The following LDAH variants were observed in gnomAD, a reference collection of about 807,000 sequenced individuals.
LDAH encodes the protein lipid droplet-associated hydrolase.
A neutral mutation model predicts 29.6 loss-of-function variants in LDAH; 26 were observed. The ratio of observed to expected loss-of-function variants is 0.88; its 90% CI spans 0.64 to 1.22. The LOEUF (loss-of-function observed/expected upper bound fraction) is 1.22, where lower values mean the gene tolerates loss of function less well. LDAH is among the 50% of genes most tolerant of loss of function. The pLI is 0.00. For synonymous variants in LDAH, 117 were observed against 133.0 expected (o/e 0.88, Z 0.83); for missense variants, 344 against 387.3 (o/e 0.89, Z 0.94).
At chr2:20,702,505 T>C (rs1028472792) in intron 5 of LDAH, among the ~76,000 whole-genome samples, 5 of 152,244 alleles carry the variant, frequency 3.3e-5, no homozygotes, top group Admixed American at 1.3e-4. Context: ...CAAAGCTATT[T>C]GGTCTGACGC....
intron 4 of LDAH, among the ~76,000 whole-genome samples, chr2:20,769,690 G>A (rs951196970): frequency 2.0e-5 from 3 of 152,064 alleles, no homozygotes; most frequent in Non-Finnish European, 4.4e-5. Flanking sequence ...TGTATGTTGA[G>A]TCTCTAAAAT....
intron 2 of LDAH, among the ~76,000 whole-genome samples, chr2:20,798,318 C>T (rs934168932): frequency 1.3e-5 from 2 of 152,020 alleles, no homozygotes; most frequent in Non-Finnish European, 1.5e-5. Context: ...GTGCAGCAGG[C>T]CTGGGGAGCA....
chr2:20,791,049 A>G (rs1670911787), intron 2 of LDAH, among the ~76,000 whole-genome samples: 1 of 152,134 alleles, frequency 6.6e-6, no homozygotes, highest in South Asian at 2.1e-4. Context: ...TTCTCTGATC[A>G]GTTTATCTAT....
chr2:20,796,264 A>T (rs1437897052), intron 2 of LDAH, among the ~76,000 whole-genome samples: 3 of 152,080 alleles, frequency 2.0e-5, no homozygotes, highest in Admixed American at 6.6e-5. Context: ...ATATAACTCA[A>T]TGAGAGCAAA....
chr2:20,714,170 C>A lies in LDAH; in HGVS notation c.704-12518G>T, dbSNP rs550864051. 1.5e-3 allele frequency among the ~76,000 whole-genome samples: 228 copies of A among 152,186 alleles called. 4 individuals are homozygous for A. In the South Asian group the frequency reaches 0.044, roughly 29 times the overall value. On this transcript the variant is annotated intron_variant, in intron 5 of 6. Transcript: ENST00000237822. ...AGCAAATGTAAAAGAATGGAAATCA[C>A]AACAAACTGTCTCTCAGACCACAGT...
At chr2:20,774,744 A>G in intron 4 of LDAH, 66 bp downstream of exon 4, 1 of 1,477,422 alleles carries the variant, frequency 6.8e-7, no homozygotes, top group Non-Finnish European at 9.3e-7. Context: ...GAACATAGGA[A>G]AGGTGAGGAG....
At chr2:20,804,186 C>T (rs1671910413) in intron 1 of LDAH, among the ~76,000 whole-genome samples, 3 of 152,174 alleles carry the variant, frequency 2.0e-5, no homozygotes, top group Admixed American at 1.3e-4. Flanking sequence ...GCAACTGATG[C>T]AAGGGCTATG....
intron 4 of LDAH, among the ~76,000 whole-genome samples, chr2:20,750,970 A>T (rs1667930242): frequency 6.6e-6 from 1 of 152,238 alleles, no homozygotes; most frequent in Non-Finnish European, 1.5e-5. Flanking sequence ...GCACATATGG[A>T]CATAAATATG....
chr2:20,726,928 G>A (rs1367129182), intron 5 of LDAH, among the ~76,000 whole-genome samples: 3 of 152,104 alleles, frequency 2.0e-5, no homozygotes, highest in East Asian at 3.8e-4. Context: ...TATTCATTGC[G>A]CTATTAACTT....
chr2:20,800,163 CATGGCAGAATTGTTTTAT>C (rs1356095384), intron 2 of LDAH, among the ~76,000 whole-genome samples: 1 of 152,220 alleles, frequency 6.6e-6, no homozygotes, highest in Admixed American at 6.5e-5. Context: ...TACTAGAAGA[CATGGCAGAATTGTTTTAT>C]AATCTTGGAG....
At chr2:20,820,696 T>C (rs1397009290) in intron 1 of LDAH, among the ~76,000 whole-genome samples, 4 of 143,180 alleles carry the variant, frequency 2.8e-5, no homozygotes, top group African/African-American at 7.8e-5. Flanking sequence ...ATTCAGGACA[T>C]AGGCATGGGC....
At chr2:20,717,874 C>T (rs1053601933) in intron 5 of LDAH, among the ~76,000 whole-genome samples, 1 of 152,116 alleles carries the variant, frequency 6.6e-6, no homozygotes, top group Admixed American at 6.5e-5. Flanking sequence ...GCAGCCTTGA[C>T]CTGCTGGGCT....
chr2:20,764,630 A>G (rs969511558), intron 4 of LDAH, among the ~76,000 whole-genome samples: 5 of 152,054 alleles, frequency 3.3e-5, no homozygotes, highest in Non-Finnish European at 7.3e-5. Context: ...CTTCCTACTA[A>G]AACACTCACT....
intron 1 of LDAH, among the ~76,000 whole-genome samples, chr2:20,816,138 A>G (rs1341797619): frequency 6.6e-6 from 1 of 152,138 alleles, no homozygotes; most frequent in African/African-American, 2.4e-5. Context: ...CAGATACTCA[A>G]AAACACTATA....
At chr2:20,716,290 C>T (rs549231010) in intron 5 of LDAH, among the ~76,000 whole-genome samples, 20 of 152,138 alleles carry the variant, frequency 1.3e-4, no homozygotes, top group South Asian at 6.2e-4. Context: ...ATATTTATTG[C>T]AGCACTGTTC....
At position 20,811,344 on chromosome 2, in the gene LDAH, A is replaced by G. The variant is rs1240273999; in HGVS notation, c.-2-9879T>C. 3.3e-5 allele frequency among the ~76,000 whole-genome samples: 5 copies of G among 151,604 alleles called. No individual in the cohort carries two copies. In the East Asian group the frequency reaches 9.8e-4, roughly 30 times the overall value. On this transcript the variant is annotated intron_variant, in intron 1 of 6. Coordinates refer to ENST00000237822, the MANE Select transcript of LDAH (RefSeq NM_021925.4). ...CAACCTTCTAAAAACTGATTTGACT[A>G]TATTTCATTAATGGTGATCCTACTA...
chr2:20,766,843 G>C (rs141326354), intron 4 of LDAH, among the ~76,000 whole-genome samples: 1 of 152,322 alleles, frequency 6.6e-6, no homozygotes, highest in Non-Finnish European at 1.5e-5. Flanking sequence ...CCACGTCCTT[G>C]AGGCAGCTGA....
rs4426494 is a variant in LDAH, at chr2:20,685,679, C to A, written c.*1224G>T. The A allele has an allele frequency of 1.9e-6, 3 of 1,546,576 alleles. No individual in the cohort carries two copies. The highest frequency in any genetic ancestry group is 3.9e-5 in the Admixed American group (2 of 50,792). On this transcript the variant is annotated 3_prime_UTR_variant, in exon 7 of 7. Transcript: ENST00000237822. ...TCCTCTAGGAGAAAAAGGAATATTT[C>A]TGATCCATGATCAACTGTCACTGCA...
chr2:20,682,967 C>T (rs995815812), downstream of LDAH, among the ~76,000 whole-genome samples: 13 of 152,256 alleles, frequency 8.5e-5, no homozygotes, highest in African/African-American at 2.7e-4. Context: ...TAGCTCTCAT[C>T]TATTCCAAAC....
Sources: gnomAD v4.1 joint callset for allele counts (sites outside exome capture counted in the v4.1 genomes callset) on GRCh38, gnomAD v4.1.1 for gene constraint, MANE v1.5 for transcripts, NCBI Gene and HGNC (gene_info 2026-07-23, HGNC 2026-07-21) for gene names.